SEMA3E: variants seen among roughly 807,000 people sequenced by gnomAD.
The protein encoded by SEMA3E is semaphorin 3E, also known as semaphorin-3E.
Under a neutral mutation model 93.6 loss-of-function variants are expected in SEMA3E, and 49 were observed. The ratio of observed to expected loss-of-function variants is 0.52; its 90% confidence interval spans 0.42 to 0.66. SEMA3E has a LOEUF of 0.66. Ranked by LOEUF, SEMA3E falls within the 30% of genes least tolerant of loss-of-function variation. The pLI is 0.00. For missense variants in SEMA3E, 906 were observed against 964.8 expected (o/e 0.94, Z 0.81); for synonymous variants, 363 against 330.7 (o/e 1.10, Z -1.06).
intron 1 of SEMA3E, among the ~76,000 whole-genome samples, chr7:83,642,494 T>A (rs1359276331): frequency 5.3e-5 from 8 of 152,264 alleles, no homozygotes; most frequent in African/African-American, 1.7e-4. Context: ...TATGGACATG[T>A]CCTGTTCATT....
At chr7:83,542,329 G>T (rs1368165703) in intron 1 of SEMA3E, among the ~76,000 whole-genome samples, 2 of 151,982 alleles carry the variant, frequency 1.3e-5, no homozygotes, top group Admixed American at 6.6e-5. Context: ...CACAGCATGA[G>T]ACTCTGTCTC....
At chr7:83,538,351 T>C (rs866856473) in intron 1 of SEMA3E, among the ~76,000 whole-genome samples, 2 of 152,158 alleles carry the variant, frequency 1.3e-5, no homozygotes, top group African/African-American at 4.8e-5. Flanking sequence ...CCAACACTTT[T>C]TATCTGACTT....
intron 16 of SEMA3E, among the ~76,000 whole-genome samples, chr7:83,368,434 T>A (rs1452285724): frequency 2.0e-5 from 3 of 152,190 alleles, no homozygotes; most frequent in Non-Finnish European, 4.4e-5. Context: ...TGTTTTTCAA[T>A]GGACAGAACA....
At chr7:83,405,616 G>C (rs980233421) in intron 8 of SEMA3E, 97 bp from the exon 9 acceptor site, 4 of 961,728 alleles carry the variant, frequency 4.2e-6, no homozygotes, top group Non-Finnish European at 6.7e-6. Flanking sequence ...ACTCATTATA[G>C]ATTTTGAGAT....
rs370543242 is a variant in SEMA3E at position 83,490,235 on chromosome 7, G to C, written c.155C>G (p.Pro52Arg). Residue 52 changes from proline (P) to arginine (R), a missense_variant, in exon 2 of 17, where the codon CCT becomes CGT. Physicochemically the swap from Pro to Arg is moderately radical, Grantham distance 103. Coordinates refer to ENST00000643230, the MANE Select transcript of SEMA3E (RefSeq NM_012431.3). ...NLNRTSIFHS[P>R]FGFLDLHTML... ...TGTATGGAGATCAAGAAATCCAAAA[G>C]GGCTATGAAATATTGATGTTCTGTT... 4.2e-5 allele frequency: 68 copies of C among 1,612,796 alleles called. No individual in the cohort carries two copies. In the Admixed American group the frequency reaches 7.5e-4, roughly 18 times the overall value.
At chr7:83,640,739 C>T (rs761034431) in intron 1 of SEMA3E, among the ~76,000 whole-genome samples, 7 of 152,068 alleles carry the variant, frequency 4.6e-5, no homozygotes, top group Non-Finnish European at 7.4e-5. Context: ...TTTCTTTCCC[C>T]TTTTGGCTTA....
chr7:83,469,162 A>C (rs1382591099), intron 3 of SEMA3E, 81 bp downstream of exon 3: 1 of 1,176,386 alleles, frequency 8.5e-7, no homozygotes, highest in African/African-American at 1.5e-5. Context: ...AGAGCAAATA[A>C]AAATTTCAGT....
At chr7:83,602,565 C>A (rs538669233) in intron 1 of SEMA3E, among the ~76,000 whole-genome samples, 14 of 152,124 alleles carry the variant, frequency 9.2e-5, no homozygotes, top group African/African-American at 3.4e-4. Context: ...GCAACCTCCG[C>A]CTCCTGGGTT....
At chr7:83,422,045 C>T (rs572944850) in intron 4 of SEMA3E, among the ~76,000 whole-genome samples, 38 of 152,194 alleles carry the variant, frequency 2.5e-4, no homozygotes, top group African/African-American at 7.5e-4. Flanking sequence ...GGCATTGTGG[C>T]GCATGCCTGT....
At chr7:83,567,266 AATATTAGATGAAGG>A (rs1443455166) in intron 1 of SEMA3E, among the ~76,000 whole-genome samples, 8 of 152,160 alleles carry the variant, frequency 5.3e-5, no homozygotes, top group Non-Finnish European at 1.0e-4. Context: ...ATATAAAACA[AATATTAGATGAAGG>A]GAGAGATAGA....
chr7:83,515,793 C>T (rs1268087499), intron 1 of SEMA3E, among the ~76,000 whole-genome samples: 2 of 152,012 alleles, frequency 1.3e-5, no homozygotes, highest in Admixed American at 6.6e-5. Context: ...TTTGGGAGGC[C>T]GAGGCAGATG....
intron 1 of SEMA3E, among the ~76,000 whole-genome samples, chr7:83,645,648 T>A: frequency 6.6e-6 from 1 of 151,804 alleles, no homozygotes; most frequent in East Asian, 1.9e-4. Context: ...ATTACCCCAT[T>A]GGGGCACAAG....
At chr7:83,631,754 T>A (rs1793790906) in intron 1 of SEMA3E, among the ~76,000 whole-genome samples, 1 of 152,190 alleles carries the variant, frequency 6.6e-6, no homozygotes, top group Non-Finnish European at 1.5e-5. Context: ...AGGAAAAAGT[T>A]GGTTCAACAG....
intron 2 of SEMA3E, among the ~76,000 whole-genome samples, chr7:83,480,449 G>A (rs761513303): frequency 1.6e-4 from 25 of 151,870 alleles, no homozygotes; most frequent in Admixed American, 3.3e-4. Flanking sequence ...TAAATAAAAC[G>A]CTATTAGTAT....
At chr7:83,372,340 C>A in intron 16 of SEMA3E, 1 of 397,584 alleles carries the variant, frequency 2.5e-6, no homozygotes, top group East Asian at 3.6e-5. Context: ...CTTTTGTTGT[C>A]TCTGTTATAT....
At chr7:83,410,362 G>T (rs955314814) in intron 5 of SEMA3E, among the ~76,000 whole-genome samples, 4 of 151,884 alleles carry the variant, frequency 2.6e-5, no homozygotes, top group Non-Finnish European at 5.9e-5. Flanking sequence ...AGATATATTT[G>T]TTGAGTTCTT....
intron 1 of SEMA3E, among the ~76,000 whole-genome samples, chr7:83,611,207 T>C (rs1793246806): frequency 6.7e-6 from 1 of 148,334 alleles, no homozygotes; most frequent in African/African-American, 2.5e-5. Flanking sequence ...GCTCCCCTTT[T>C]GCATCATCAA....
At chr7:83,603,924 A>T (rs1165251080) in intron 1 of SEMA3E, among the ~76,000 whole-genome samples, 1 of 152,160 alleles carries the variant, frequency 6.6e-6, no homozygotes, top group African/African-American at 2.4e-5. Context: ...AAAGGCTATA[A>T]GAAGAAAATT....
chr7:83,536,227 A>G (rs1791408297), intron 1 of SEMA3E, among the ~76,000 whole-genome samples: 1 of 152,120 alleles, frequency 6.6e-6, no homozygotes, highest in Non-Finnish European at 1.5e-5. Context: ...GAATTGACCA[A>G]ATAACATCTT....
Sources: gnomAD v4.1 joint callset for allele counts (sites outside exome capture counted in the v4.1 genomes callset) on GRCh38, gnomAD v4.1.1 for gene constraint, MANE v1.5 for transcripts, NCBI Gene and HGNC (gene_info 2026-07-23, HGNC 2026-07-21) for gene names.